NCEH1: variants seen among roughly 807,000 people sequenced by gnomAD.
NCEH1 encodes neutral cholesterol ester hydrolase 1.
In NCEH1, 9 loss-of-function variants were observed where a neutral mutation model predicts 25.4. The observed-to-expected ratio is 0.35, with a 90% CI of 0.21 to 0.62. The LOEUF is 0.62. Ranked by LOEUF, NCEH1 falls within the 20% of genes least tolerant of loss-of-function variation. The pLI, the probability that NCEH1 is intolerant of heterozygous loss-of-function variation, is 0.72. For synonymous variants in NCEH1, 200 were observed against 199.8 expected, an observed-to-expected ratio of 1.00 and a Z score of -0.01; for missense variants, 412 against 501.1, an observed-to-expected ratio of 0.82 and a Z score of 1.70.
chr3:172,688,330 CAAAAAAAAAAA>C (rs11376665), intron 1 of NCEH1, among the ~76,000 whole-genome samples: 6 of 66,234 alleles, frequency 9.1e-5, no homozygotes, highest in East Asian at 5.6e-4. Context: ...AACTCCACCT[CAAAAAAAAAAA>C]AAAAAAAAAA....
intron 3 of NCEH1, among the ~76,000 whole-genome samples, chr3:172,638,157 G>A (rs1329909465): frequency 6.6e-6 from 1 of 150,930 alleles, no homozygotes; most frequent in Admixed American, 6.6e-5. Flanking sequence ...GGTCATTCCG[G>A]AATTACCACA....
chr3:172,654,643 C>G (rs146714758), intron 1 of NCEH1, among the ~76,000 whole-genome samples: 1 of 152,172 alleles, frequency 6.6e-6, no homozygotes, highest in East Asian at 1.9e-4. Flanking sequence ...GGGGAAGAAC[C>G]AGCAGCACAC....
chr3:172,642,603 CAAAAAA>C (rs66551744), intron 3 of NCEH1, among the ~76,000 whole-genome samples: 83 of 83,912 alleles, frequency 9.9e-4, no homozygotes, highest in Admixed American at 2.8e-3. Flanking sequence ...GCTATTTCTA[CAAAAAA>C]AAAAAAAAAA....
At chr3:172,701,568 G>A (rs1713685359) in intron 1 of NCEH1, among the ~76,000 whole-genome samples, 1 of 148,344 alleles carries the variant, frequency 6.7e-6, no homozygotes, top group South Asian at 2.1e-4. Context: ...TCCTGCCTCA[G>A]CCTCCCGAGT....
chr3:172,662,486 G>A (rs1718015555), intron 1 of NCEH1, among the ~76,000 whole-genome samples: 2 of 152,190 alleles, frequency 1.3e-5, no homozygotes, highest in Non-Finnish European at 1.5e-5. Flanking sequence ...CTTATAAAAT[G>A]AGTTAGGGAG....
intron 1 of NCEH1, among the ~76,000 whole-genome samples, chr3:172,652,685 A>G (rs1416090224): frequency 6.6e-6 from 1 of 152,240 alleles, no homozygotes; most frequent in East Asian, 1.9e-4. Flanking sequence ...GAAGTAATAA[A>G]GTTTCCTGAA....
chr3:172,657,614 T>C (rs547100622), intron 1 of NCEH1, among the ~76,000 whole-genome samples: 1 of 152,334 alleles, frequency 6.6e-6, no homozygotes, highest in East Asian at 1.9e-4. Flanking sequence ...TCTTTCTCTA[T>C]AACTTGCTGC....
At chr3:172,650,111 A>G (rs954696000) in intron 1 of NCEH1, among the ~76,000 whole-genome samples, 1 of 152,246 alleles carries the variant, frequency 6.6e-6, no homozygotes, top group Non-Finnish European at 1.5e-5. Context: ...TCTCCATGTT[A>G]GCTTATGTTT....
At chr3:172,701,041 T>C (rs948663674) in intron 1 of NCEH1, among the ~76,000 whole-genome samples, 40 of 152,266 alleles carry the variant, frequency 2.6e-4, no homozygotes, top group African/African-American at 8.9e-4. Context: ...ATCCTCCAGA[T>C]CTTACTGTCA....
chr3:172,672,698 A>C (rs1207968500), intron 1 of NCEH1, among the ~76,000 whole-genome samples: 1 of 152,220 alleles, frequency 6.6e-6, no homozygotes, highest in Non-Finnish European at 1.5e-5. Context: ...GAGGAGGCCC[A>C]AAAGAAAGAG....
intron 1 of NCEH1, chr3:172,680,924 T>A (rs1712331303): frequency 6.6e-6 from 1 of 151,664 alleles, no homozygotes; most frequent in Non-Finnish European, 1.5e-5. Flanking sequence ...TGCCAAGTCC[T>A]TGCCCTCAAA....
chr3:172,707,268 C>A (rs1714056026), intron 1 of NCEH1, among the ~76,000 whole-genome samples: 1 of 152,180 alleles, frequency 6.6e-6, no homozygotes, highest in African/African-American at 2.4e-5. Context: ...GCCTGATCAT[C>A]TAAATTACAC....
chr3:172,701,283 C>T (rs915874768), intron 1 of NCEH1, among the ~76,000 whole-genome samples: 1 of 152,068 alleles, frequency 6.6e-6, no homozygotes, highest in African/African-American at 2.4e-5. Context: ...TCCCCATTCA[C>T]CCAGCTATTC....
chr3:172,694,400 GTGTGTGTGTGTGTGTA>G (rs1713246583), intron 1 of NCEH1, among the ~76,000 whole-genome samples: 1 of 151,476 alleles, frequency 6.6e-6, no homozygotes, highest in South Asian at 2.1e-4. Context: ...GTGTCTGTGT[GTGTGTGTGTGTGTGTA>G]TGTGTGTATT....
At chr3:172,698,357 CAAGG>C (rs1713493390) in intron 1 of NCEH1, among the ~76,000 whole-genome samples, 1 of 152,146 alleles carries the variant, frequency 6.6e-6, no homozygotes, top group Admixed American at 6.5e-5. Context: ...CTCTCACAAA[CAAGG>C]AAGAACTGTG....
At position 172,662,883 on chromosome 3, in the gene NCEH1, T is replaced by C. The variant is rs568102450; in HGVS notation, c.139-14769A>G. On this transcript the variant is annotated intron_variant, in intron 1 of 4. Coordinates refer to ENST00000475381, the MANE Select transcript of NCEH1 (RefSeq NM_020792.6). The stretch of plus-strand genomic sequence containing the variant: ...TCTTATTAGTCTTGCTAGCGGTCTA[T>C]CAATTTTGTTGATCCTTTCAAAAAA... 2.3e-3 allele frequency among the ~76,000 whole-genome samples: 339 copies of C among 147,978 alleles called. 2 individuals are homozygous for C. The highest frequency in any genetic ancestry group is 7.7e-3 in the African/African-American group (318 of 41,128).
At position 172,637,681 on chromosome 3, in the gene NCEH1, G is replaced by A. The variant is rs183549518; in HGVS notation, c.438-1594C>T. Reference sequence around the variant, plus strand: ...AGGCAGTCAGATCACCTGAGGTCAGGAGTTCGAGACCAGCCTGACCAACAT... The same window carrying A: ...AGGCAGTCAGATCACCTGAGGTCAGAAGTTCGAGACCAGCCTGACCAACAT... On this transcript the variant is annotated intron_variant, in intron 3 of 4. Transcript: ENST00000475381. 5.4e-4 allele frequency among the ~76,000 whole-genome samples: 83 copies of A among 152,336 alleles called. 1 individual carries two copies. Among genetic ancestry groups the A allele is most frequent in the African/African-American group, 2.0e-3 (82 of 41,566 alleles).
intron 3 of NCEH1, among the ~76,000 whole-genome samples, chr3:172,641,619 G>A (rs73880215): frequency 0.011 from 1,637 of 152,332 alleles, 25 homozygotes; most frequent in African/African-American, 0.038. Context: ...TCTTCTAGAA[G>A]GCGGAGCTCC....
intron 4 of NCEH1, among the ~76,000 whole-genome samples, chr3:172,634,425 C>T (rs1716513832): frequency 6.6e-6 from 1 of 151,816 alleles, no homozygotes; most frequent in Non-Finnish European, 1.5e-5. Flanking sequence ...TTTTTTATTC[C>T]CTACAAAACC....
Sources: allele counts gnomAD v4.1 joint callset (sites outside exome capture counted in the v4.1 genomes callset), GRCh38; gene constraint gnomAD v4.1.1; transcripts MANE v1.5; gene names NCBI Gene and HGNC (gene_info 2026-07-23, HGNC 2026-07-21).